Variants in PDZRN4 observed in about 807,000 individuals in gnomAD.
PDZRN4 encodes the protein PDZ domain containing ring finger 4, also known as PDZ domain-containing RING finger protein 4.
PDZRN4 carries 70 observed loss-of-function variants against 99.0 expected under a neutral mutation model. The ratio of observed to expected loss-of-function variants is 0.71; its 90% CI spans 0.58 to 0.86. The LOEUF (loss-of-function observed/expected upper bound fraction) is 0.86. Ranked by LOEUF, PDZRN4 falls within the 40% of genes least tolerant of loss-of-function variation. The pLI, the probability that PDZRN4 is intolerant of heterozygous loss-of-function variation, is 0.00. For missense variants in PDZRN4, 1,474 were observed against 1,331.2 expected (o/e 1.11, Z -1.67); for synonymous variants, 551 against 501.6 (o/e 1.10, Z -1.32).
chr12:41,421,782 G>A (rs1952492760), intron 3 of PDZRN4, among the ~76,000 whole-genome samples: 1 of 151,832 alleles, frequency 6.6e-6, no homozygotes, highest in Non-Finnish European at 1.5e-5. Flanking sequence ...CTCCATTTCT[G>A]TCTGCTAAAT....
chr12:41,231,284 A>G (rs1242648649), intron 3 of PDZRN4, among the ~76,000 whole-genome samples: 2 of 152,132 alleles, frequency 1.3e-5, no homozygotes, highest in Non-Finnish European at 2.9e-5. Flanking sequence ...GATTTTTATT[A>G]GAGAAAAATA....
At chr12:41,383,746 G>A (rs1273433281) in intron 3 of PDZRN4, among the ~76,000 whole-genome samples, 1 of 152,126 alleles carries the variant, frequency 6.6e-6, no homozygotes, top group East Asian at 1.9e-4. Flanking sequence ...GATATTTGTA[G>A]CTGATTTACA....
intron 3 of PDZRN4, among the ~76,000 whole-genome samples, chr12:41,275,379 ATGT>A (rs747846025): frequency 2.4e-4 from 37 of 152,126 alleles, no homozygotes; most frequent in Non-Finnish European, 4.1e-4. Context: ...ACCCACTAGA[ATGT>A]AAGTCCCAAT....
chr12:41,501,776 A>G (rs1938114549), intron 3 of PDZRN4, among the ~76,000 whole-genome samples: 1 of 152,202 alleles, frequency 6.6e-6, no homozygotes, highest in Admixed American at 6.5e-5. Flanking sequence ...ACTTGAATAT[A>G]TAATCTTTAA....
intron 6 of PDZRN4, 62 bp downstream of exon 6, chr12:41,552,816 C>A: frequency 7.7e-7 from 1 of 1,297,182 alleles, no homozygotes; most frequent in Non-Finnish European, 1.1e-6. Flanking sequence ...AGCGAAATGA[C>A]TCACAATGAG....
chr12:41,369,357 A>T (rs111946041), intron 3 of PDZRN4, among the ~76,000 whole-genome samples: 2,046 of 152,168 alleles, frequency 0.013, 45 homozygotes, highest in African/African-American at 0.047. Context: ...GCCTTGTAAG[A>T]ATATGTAGTC....
chr12:41,274,929 T>G (rs548818838), intron 3 of PDZRN4, among the ~76,000 whole-genome samples: 2 of 152,274 alleles, frequency 1.3e-5, no homozygotes, highest in East Asian at 3.9e-4. Flanking sequence ...TGAATTATTA[T>G]AGACAGAACA....
chr12:41,493,265 T>C (rs962835144), intron 3 of PDZRN4, among the ~76,000 whole-genome samples: 2 of 152,162 alleles, frequency 1.3e-5, no homozygotes, highest in African/African-American at 2.4e-5. Flanking sequence ...TGTGCAGACA[T>C]GGAACAATGG....
chr12:41,293,340 A>G (rs533581305), intron 3 of PDZRN4, among the ~76,000 whole-genome samples: 6 of 151,214 alleles, frequency 4.0e-5, no homozygotes, highest in South Asian at 2.1e-4. Context: ...CGTATCTGCC[A>G]TAGCCTCTAT....
intron 3 of PDZRN4, among the ~76,000 whole-genome samples, chr12:41,202,568 T>C (rs964404035): frequency 1.3e-5 from 2 of 152,064 alleles, no homozygotes; most frequent in East Asian, 3.9e-4. Flanking sequence ...TTATAGACAG[T>C]ACTTTTAATC....
chr12:41,395,113 A>G (rs1952237523), intron 3 of PDZRN4, among the ~76,000 whole-genome samples: 2 of 152,178 alleles, frequency 1.3e-5, no homozygotes, highest in Admixed American at 1.3e-4. Context: ...TCATTTCATT[A>G]TAGTATCAAC....
intron 3 of PDZRN4, among the ~76,000 whole-genome samples, chr12:41,243,552 C>T (rs1038960527): frequency 6.6e-6 from 1 of 152,202 alleles, no homozygotes; most frequent in East Asian, 1.9e-4. Context: ...AAAATATTTT[C>T]AGTTAGTCTG....
At chr12:41,488,905 C>T (rs1169831419) in intron 3 of PDZRN4, among the ~76,000 whole-genome samples, 1 of 152,108 alleles carries the variant, frequency 6.6e-6, no homozygotes, top group Non-Finnish European at 1.5e-5. Context: ...TAAATTGTGA[C>T]TCAAAGGAAG....
rs1304874922 is a variant in PDZRN4 at position 41,235,153 on chromosome 12, A to T, written c.843+40965A>T. On this transcript the variant is annotated intron_variant, in intron 3 of 9. Coordinates refer to ENST00000402685, the MANE Select transcript of PDZRN4 (RefSeq NM_001164595.2). Reference sequence around the variant, plus strand: ...ATTAAAGAATACTGGTTTGGAGATGAGCACTGTAATTTTATGTTGTTCAGA... The same window carrying T: ...ATTAAAGAATACTGGTTTGGAGATGTGCACTGTAATTTTATGTTGTTCAGA... Among the ~76,000 whole-genome samples the T allele has an allele frequency of 5.9e-5, 9 of 152,144 alleles. No homozygotes were observed. The East Asian group carries it at 1.7e-3, about 29-fold the overall frequency.
intron 3 of PDZRN4, among the ~76,000 whole-genome samples, chr12:41,413,635 G>A (rs1380279619): frequency 6.6e-6 from 1 of 151,982 alleles, no homozygotes; most frequent in Non-Finnish European, 1.5e-5. Flanking sequence ...TATTCATTGT[G>A]TACTGAATAA....
intron 3 of PDZRN4, among the ~76,000 whole-genome samples, chr12:41,235,313 C>T (rs1331482659): frequency 6.6e-6 from 1 of 151,488 alleles, no homozygotes; most frequent in African/African-American, 2.4e-5. Flanking sequence ...TATATACCTC[C>T]TAGGAAAATA....
chr12:41,538,785 C>A (rs1310403081), intron 5 of PDZRN4, among the ~76,000 whole-genome samples: 1 of 151,964 alleles, frequency 6.6e-6, no homozygotes, highest in African/African-American at 2.4e-5. Context: ...TAAAATGACA[C>A]AAATTGTCAT....
At chr12:41,330,886 T>C (rs1382312325) in intron 3 of PDZRN4, among the ~76,000 whole-genome samples, 1 of 152,098 alleles carries the variant, frequency 6.6e-6, no homozygotes, top group East Asian at 1.9e-4. Flanking sequence ...CCCAGAAATA[T>C]TTTGATACTG....
At chr12:41,544,754 A>G (rs1288061696) in intron 5 of PDZRN4, among the ~76,000 whole-genome samples, 1 of 152,254 alleles carries the variant, frequency 6.6e-6, no homozygotes, top group Non-Finnish European at 1.5e-5. Context: ...TATTTCAGAA[A>G]GAGTGATAGA....
Sources: gnomAD v4.1 joint callset for allele counts (sites outside exome capture counted in the v4.1 genomes callset) on GRCh38, gnomAD v4.1.1 for gene constraint, MANE v1.5 for transcripts, NCBI Gene and HGNC (gene_info 2026-07-23, HGNC 2026-07-21) for gene names.